Variants in CDH20 observed in about 807,000 individuals in gnomAD.
CDH20 encodes cadherin-20.
A neutral mutation model predicts 74.2 loss-of-function variants in CDH20; 29 were observed. The ratio of observed to expected loss-of-function variants is 0.39; its 90% CI spans 0.29 to 0.53. The LOEUF (loss-of-function observed/expected upper bound fraction) is 0.53, where lower values mean the gene tolerates loss of function less well. Among genes scored for constraint, CDH20 ranks in the 20% least tolerant of loss-of-function variants. CDH20 has a pLI of 0.69. For synonymous variants in CDH20, 469 were observed against 405.4 expected, an observed-to-expected ratio of 1.16 and a Z score of -1.88; for missense variants, 988 against 1,048.3, an observed-to-expected ratio of 0.94 and a Z score of 0.79.
chr18:61,499,224 A>G lies in CDH20; in HGVS notation c.285A>G (p.Lys95=), dbSNP rs1911273294. 1 of 1,607,510 alleles carries G rather than the reference A, an allele frequency of 6.2e-7. No homozygotes were observed. The highest frequency in any genetic ancestry group is 8.5e-7 in the Non-Finnish European group (1 of 1,175,766). Residue 95 remains lysine, a synonymous_variant, in exon 3 of 12, where the codon AAA becomes AAG. Transcript: ENST00000262717. ...SDMDRGDGSI[K]YILSGEGAGI... The stretch of plus-strand genomic sequence containing the variant: ...TGGACAGGGGAGACGGATCCATCAA[A>G]TACATCCTCTCGGGAGAAGGTGCTG...
intron 6 of CDH20, among the ~76,000 whole-genome samples, chr18:61,515,455 C>G (rs1178469024): frequency 6.6e-6 from 1 of 152,104 alleles, no homozygotes; most frequent in Non-Finnish European, 1.5e-5. Context: ...AGAAATCACC[C>G]GTCTTCTGCG....
intron 1 of CDH20, among the ~76,000 whole-genome samples, chr18:61,442,149 A>G (rs556070730): frequency 6.6e-6 from 1 of 152,212 alleles, no homozygotes; most frequent in African/African-American, 2.4e-5. Flanking sequence ...CAGGAATTCG[A>G]GACCAGCCTG....
chr18:61,473,172 A>T (rs1299389100), intron 1 of CDH20, among the ~76,000 whole-genome samples: 1 of 152,240 alleles, frequency 6.6e-6, no homozygotes, highest in Non-Finnish European at 1.5e-5. Flanking sequence ...GTTTTGAAAC[A>T]ACTTGGGGAA....
chr18:61,475,237 G>A (rs559748802), intron 1 of CDH20, among the ~76,000 whole-genome samples: 33 of 152,310 alleles, frequency 2.2e-4, no homozygotes, highest in Non-Finnish European at 3.8e-4. Flanking sequence ...GACTTACAAG[G>A]TAGAAATGGT....
chr18:61,458,330 G>C (rs1909649229), intron 1 of CDH20, among the ~76,000 whole-genome samples: 1 of 152,182 alleles, frequency 6.6e-6, no homozygotes. Flanking sequence ...AACACCAAAA[G>C]TTGTTAATGA....
chr18:61,503,685 C>T (rs1256600641), intron 5 of CDH20, among the ~76,000 whole-genome samples: 1 of 152,196 alleles, frequency 6.6e-6, no homozygotes, highest in East Asian at 1.9e-4. Context: ...CCTGTCTCTG[C>T]CCTTGTGAAG....
At chr18:61,435,873 G>T (rs1359816823) in intron 1 of CDH20, among the ~76,000 whole-genome samples, 1 of 151,616 alleles carries the variant, frequency 6.6e-6, no homozygotes, top group African/African-American at 2.4e-5. Context: ...TTAATTTTCG[G>T]ACATTTTCAA....
At chr18:61,351,885 A>C (rs887135832) in intron 1 of CDH20, among the ~76,000 whole-genome samples, 1 of 152,178 alleles carries the variant, frequency 6.6e-6, no homozygotes, top group African/African-American at 2.4e-5. Context: ...GTTGAGTTAC[A>C]ATTATCAACC....
chr18:61,447,930 C>A (rs946403785), intron 1 of CDH20, among the ~76,000 whole-genome samples: 3 of 152,186 alleles, frequency 2.0e-5, no homozygotes, highest in African/African-American at 7.2e-5. Context: ...GATTTCTACC[C>A]ACACAAGAGC....
chr18:61,543,680 T>C (rs1335326339), intron 9 of CDH20, among the ~76,000 whole-genome samples: 1 of 152,194 alleles, frequency 6.6e-6, no homozygotes, highest in Non-Finnish European at 1.5e-5. Context: ...ACTCTGGGGA[T>C]CCTGTGCTAT....
chr18:61,442,547 A>C (rs1568141107), intron 1 of CDH20, among the ~76,000 whole-genome samples: 1 of 152,114 alleles, frequency 6.6e-6, no homozygotes, highest in Non-Finnish European at 1.5e-5. Context: ...AGTTTCAATT[A>C]GTATACTTCA....
chr18:61,472,219 C>A (rs112854561), intron 1 of CDH20, among the ~76,000 whole-genome samples: 3 of 152,042 alleles, frequency 2.0e-5, no homozygotes, highest in African/African-American at 7.2e-5. Context: ...TAAGAGATGC[C>A]TTTTGTTCCC....
chr18:61,461,328 T>TAAA (rs33964985), intron 1 of CDH20, among the ~76,000 whole-genome samples: 1 of 129,502 alleles, frequency 7.7e-6, no homozygotes, highest in Non-Finnish European at 1.7e-5. Context: ...CTGGGTGACT[T>TAAA]AAAAAAAAAA....
At chr18:61,532,343 C>T (rs1912673550) in intron 7 of CDH20, among the ~76,000 whole-genome samples, 1 of 152,080 alleles carries the variant, frequency 6.6e-6, no homozygotes, top group South Asian at 2.1e-4. Context: ...CTTAAATTTC[C>T]TAACTCTTAG....
intron 6 of CDH20, among the ~76,000 whole-genome samples, chr18:61,523,895 C>T (rs996693863): frequency 2.4e-4 from 37 of 152,122 alleles, no homozygotes; most frequent in African/African-American, 8.2e-4. Context: ...GGGAATATCA[C>T]GCACCAGGGC....
At chr18:61,343,387 T>A (rs1210498869) in intron 1 of CDH20, among the ~76,000 whole-genome samples, 1 of 152,154 alleles carries the variant, frequency 6.6e-6, no homozygotes, top group Non-Finnish European at 1.5e-5. Context: ...CCACTATATA[T>A]GACTAGATAA....
chr18:61,377,725 C>T (rs1212800949), intron 1 of CDH20, among the ~76,000 whole-genome samples: 3 of 151,890 alleles, frequency 2.0e-5, no homozygotes, highest in African/African-American at 7.3e-5. Flanking sequence ...CTCATTTGCA[C>T]ATTCTATCAT....
chr18:61,374,134 G>C (rs1226033759), intron 1 of CDH20, among the ~76,000 whole-genome samples: 1 of 152,042 alleles, frequency 6.6e-6, no homozygotes, highest in Non-Finnish European at 1.5e-5. Flanking sequence ...GGGCAGGAAG[G>C]GAAGGGGAAA....
rs1913188526 is a variant in CDH20, at chr18:61,545,038, A to G, written c.1542A>G (p.Thr514=). 1.2e-6 allele frequency: 2 copies of G among 1,612,010 alleles called. No individual in the cohort carries two copies. Among genetic ancestry groups the G allele is most frequent in the Non-Finnish European group, 1.7e-6 (2 of 1,178,234 alleles). Residue 514 remains threonine (T), a synonymous_variant, in exon 10 of 12, where the codon ACA becomes ACG. Coordinates refer to ENST00000262717, the MANE Select transcript of CDH20 (RefSeq NM_031891.4). ...TGTCCCTCCCTCAGCTGATCCAGAC[A>G]GTGAGTGCGGTGGACCAAGATGACC... ...ENAKAGQLIQ[T]VSAVDQDDPR...
Sources: gnomAD v4.1 joint callset for allele counts (sites outside exome capture counted in the v4.1 genomes callset) on GRCh38, gnomAD v4.1.1 for gene constraint, MANE v1.5 for transcripts, NCBI Gene and HGNC (gene_info 2026-07-23, HGNC 2026-07-21) for gene names.